Variants in INF2 observed in about 807,000 individuals in gnomAD.
INF2 encodes the protein inverted formin 2.
A neutral mutation model predicts 123.5 loss-of-function variants in INF2; 43 were observed. That is an observed-to-expected ratio of 0.35 (90% CI 0.27 to 0.45). The LOEUF (loss-of-function observed/expected upper bound fraction) is 0.45. INF2 is among the 20% of genes least tolerant of loss of function. INF2 has a pLI of 1.00. For missense variants in INF2, 1,453 were observed against 1,682.7 expected, an observed-to-expected ratio of 0.86 and a Z score of 2.39; for synonymous variants, 851 against 745.0, an observed-to-expected ratio of 1.14 and a Z score of -2.32.
intron 2 of INF2, 33 bp downstream of exon 2, chr14:104,701,789 G>A: frequency 2.1e-6 from 3 of 1,455,664 alleles, no homozygotes; most frequent in Non-Finnish European, 2.7e-6. Flanking sequence ...CGCCCAGGCG[G>A]ACGCTGGGGA....
At chr14:104,705,705 C>T (rs548843422) in intron 5 of INF2, among the ~76,000 whole-genome samples, 3 of 152,312 alleles carry the variant, frequency 2.0e-5, no homozygotes, top group South Asian at 2.1e-4. Flanking sequence ...GGTCACGGCC[C>T]GGTTCCATTG....
At chr14:104,718,712 G>A (rs954705389) in intron 22 of INF2, 83 bp from the exon 23 acceptor site, 2 of 1,574,128 alleles carry the variant, frequency 1.3e-6, no homozygotes, top group African/African-American at 2.7e-5. Context: ...GGGGTTCAGG[G>A]ACCTGGGCAC....
chr14:104,696,167 C>T (rs1174495990), intron 1 of INF2, among the ~76,000 whole-genome samples: 1 of 152,224 alleles, frequency 6.6e-6, no homozygotes, highest in Non-Finnish European at 1.5e-5. Flanking sequence ...CCCAGGGGGC[C>T]CTTCTGTCCT....
chr14:104,712,477 A>G lies in INF2; in HGVS notation c.2534A>G (p.Lys845Arg). Residue 845 changes from lysine to arginine, a missense_variant, in exon 17 of 23, where the codon AAG becomes AGG. By Grantham distance (26) the Lys-to-Arg change is conservative (BLOSUM62 2). This residue lies in a region of INF2 where 212 missense variants were observed against 266.2 expected (regional missense o/e 0.80). Coordinates refer to ENST00000392634, the MANE Select transcript of INF2 (RefSeq NM_022489.4). ...IIRSEASSNLKKLLETERKVS... is the reference protein window; with the variant it reads ...IIRSEASSNLRKLLETERKVS... ...CGCTCAGAGGCCAGCTCCAACCTGA[A>G]GAAGCTTCTGGAGACCGAGCGGAAG... The G allele has an allele frequency of 1.2e-6, 2 of 1,612,674 alleles. No individual in the cohort carries two copies. Among genetic ancestry groups the G allele is most frequent in the East Asian group, 2.2e-5 (1 of 44,870 alleles).
intron 1 of INF2, among the ~76,000 whole-genome samples, chr14:104,694,783 C>T (rs1889109888): frequency 6.6e-6 from 1 of 152,184 alleles, no homozygotes. Flanking sequence ...GGGAAGGCAG[C>T]TGCTAGCGGG....
At chr14:104,688,539 C>T (rs981556977), upstream of INF2, among the ~76,000 whole-genome samples, 1 of 152,260 alleles carries the variant, frequency 6.6e-6, no homozygotes, top group Non-Finnish European at 1.5e-5. Context: ...GACACTTTAT[C>T]CGCATGTTCT....
chr14:104,694,084 T>TGGGCC (rs895469787), intron 1 of INF2, among the ~76,000 whole-genome samples: 47 of 152,200 alleles, frequency 3.1e-4, no homozygotes, highest in Admixed American at 1.7e-3. Flanking sequence ...GCCCCTTCCC[T>TGGGCC]GGGCCAGGCC....
rs368576387 is a variant in INF2, at chr14:104,709,288, G to A, written c.1957G>A (p.Glu653Lys). The stretch of plus-strand genomic sequence containing the variant: ...GTCCTCTCCCTGCTCCAGCTCCAAC[G>A]AGGAGGTCGCTGCTATGATCCGGGC... ...IFLKQFKCSNEEVAAMIRAGD... is the reference protein window; with the variant it reads ...IFLKQFKCSNKEVAAMIRAGD... The change falls in exon 11 of 23, where the codon GAG becomes AAG. Residue 653 changes from glutamate (E) to lysine (K), a missense_variant. Glu to Lys is a moderately conservative substitution (Grantham distance 56). Coordinates refer to ENST00000392634, the MANE Select transcript of INF2 (RefSeq NM_022489.4). 60 of 1,612,468 alleles carry A rather than the reference G, an allele frequency of 3.7e-5. No homozygotes were observed. Among genetic ancestry groups the A allele is most frequent in the Admixed American group, 5.0e-5 (3 of 59,976 alleles).
chr14:104,697,917 G>A (rs1218607008), intron 1 of INF2, among the ~76,000 whole-genome samples: 1 of 152,194 alleles, frequency 6.6e-6, no homozygotes, highest in Non-Finnish European at 1.5e-5. Context: ...CCCCTTCTTG[G>A]TGCCCTGACC....
At chr14:104,713,640 C>T in intron 20 of INF2, 34 bp downstream of exon 20, 1 of 1,604,842 alleles carries the variant, frequency 6.2e-7, no homozygotes. Context: ...CTCATGGTCC[C>T]CTTGCCACTG....
rs565713533 is a variant in INF2 at position 104,718,424 on chromosome 14, G to A, written c.*2-371G>A. ...CCTCGTGTGGGGCCCAGGGCCCGAC[G>A]TGGAAGCAATGGAGGGCTGCAGGGG... On this transcript the variant is annotated intron_variant, in intron 22 of 22. Coordinates refer to ENST00000392634, the MANE Select transcript of INF2 (RefSeq NM_022489.4). 6.6e-5 allele frequency among the ~76,000 whole-genome samples: 10 copies of A among 152,298 alleles called. No homozygotes were observed. The East Asian group carries it at 1.9e-3, about 29-fold the overall frequency.
chr14:104,697,468 C>T (rs2140622206), intron 1 of INF2, among the ~76,000 whole-genome samples: 1 of 152,380 alleles, frequency 6.6e-6, no homozygotes, highest in East Asian at 1.9e-4. Flanking sequence ...GGTTTTCTGT[C>T]TGCACCGCAG....
intron 1 of INF2, among the ~76,000 whole-genome samples, chr14:104,693,515 G>A (rs1436371157): frequency 6.6e-6 from 1 of 152,208 alleles, no homozygotes; most frequent in African/African-American, 2.4e-5. Context: ...GAGGGAAGCA[G>A]TGGCCGCTGA....
chr14:104,702,314 A>C (rs1218567952), intron 2 of INF2, among the ~76,000 whole-genome samples: 3 of 152,168 alleles, frequency 2.0e-5, no homozygotes, highest in Admixed American at 2.0e-4. Flanking sequence ...GCAGGCAGGC[A>C]GGCCCTTGGT....
intron 22 of INF2, among the ~76,000 whole-genome samples, chr14:104,716,923 C>A (rs967331435): frequency 6.6e-6 from 1 of 152,164 alleles, no homozygotes. Flanking sequence ...AACTCCTGAC[C>A]TCAGGTGATC....
chr14:104,719,105 CG>C lies in INF2; in HGVS notation c.*318del, dbSNP rs1394849020. ...CCGGTGCAGCCTGCCAAGGGCCAGTCGGGGGGTGCTGCGTCCTGCCAGTGTC... is the reference window on the plus strand; with the variant it reads ...CCGGTGCAGCCTGCCAAGGGCCAGTCGGGGGTGCTGCGTCCTGCCAGTGTC... On this transcript the variant is annotated 3_prime_UTR_variant, in exon 23 of 23. Transcript: ENST00000392634. 17 of 492,722 alleles carry C rather than the reference CG, an allele frequency of 3.5e-5. No homozygotes were observed. Among genetic ancestry groups the C allele is most frequent in the Non-Finnish European group, 4.2e-5 (12 of 282,748 alleles). The allele number at this position is 492,722 out of a possible 1,614,324, so 30.5% of individuals were successfully genotyped here. A position where few individuals can be genotyped will look rare whatever the true frequency, so the allele number is the denominator to read the frequency against.
Position 104,684,435 on chromosome 14 carries a change from G to A in INF2, c.-104+2853G>A, listed in dbSNP as rs557104424. 88 of 258,532 alleles carry A rather than the reference G, an allele frequency of 3.4e-4. No homozygotes were observed. The highest frequency in any genetic ancestry group is 1.4e-3 in the Middle Eastern group (1 of 716). 16.0% of individuals were successfully genotyped at this position (258,532 alleles called of 1,614,324 possible). ...TAGAAATCAAGAAACATGAGTGAAC[G>A]ATGCACACCACCGCGTGGATGAGTC... On this transcript the variant is annotated intron_variant, in intron 1 of 2. Transcript: ENST00000674723. The surrounding 1 kb of genome is among the most constrained non-coding windows in gnomAD (Gnocchi z 5.0).
chr14:104,710,576 G>A (rs757136483), intron 13 of INF2: 23 of 495,032 alleles, frequency 4.6e-5, no homozygotes, highest in Non-Finnish European at 7.0e-5. Flanking sequence ...ACAGACACAC[G>A]TACACACCCC....
upstream of INF2, among the ~76,000 whole-genome samples, chr14:104,688,956 A>G (rs1463654559): frequency 6.6e-6 from 1 of 152,234 alleles, no homozygotes; most frequent in Non-Finnish European, 1.5e-5. Context: ...GAGGCCGGAC[A>G]GCAGAGGGGT....
Sources: gnomAD v4.1 joint callset for allele counts (sites outside exome capture counted in the v4.1 genomes callset) on GRCh38, gnomAD v4.1.1 for gene constraint, gnomAD v4.1.1 regional missense constraint, Gnocchi (gnomAD v3.1) non-coding constraint, MANE v1.5 for transcripts, NCBI Gene and HGNC (gene_info 2026-07-23, HGNC 2026-07-21) for gene names.